Variants in KSR2 observed in about 807,000 individuals in gnomAD.
KSR2 encodes the protein kinase suppressor of ras 2.
Under a neutral mutation model 107.8 loss-of-function variants are expected in KSR2, and 25 were observed. The ratio of observed to expected loss-of-function variants is 0.23; its 90% CI spans 0.17 to 0.32. KSR2 has a LOEUF of 0.32. KSR2 is among the 10% of genes least tolerant of loss of function. KSR2 has a pLI of 1.00. For synonymous variants in KSR2, 480 were observed against 507.0 expected (o/e 0.95, Z 0.71); for missense variants, 887 against 1,268.9 (o/e 0.70, Z 4.57).
chr12:117,633,180 G>A (rs772493890), intron 5 of KSR2, among the ~76,000 whole-genome samples: 5 of 152,156 alleles, frequency 3.3e-5, no homozygotes, highest in African/African-American at 4.8e-5. Context: ...CTTAAGTTAC[G>A]ATGTTCACTA....
intron 5 of KSR2, among the ~76,000 whole-genome samples, chr12:117,620,228 A>T (rs573267209): frequency 6.6e-6 from 1 of 152,246 alleles, no homozygotes; most frequent in East Asian, 1.9e-4. Flanking sequence ...TTTTCTCCCT[A>T]CAAAACCACC....
At chr12:117,774,155 A>G (rs1459275951) in intron 3 of KSR2, among the ~76,000 whole-genome samples, 3 of 152,162 alleles carry the variant, frequency 2.0e-5, no homozygotes, top group African/African-American at 2.4e-5. Flanking sequence ...CATTATACAC[A>G]GGCTTGTGGG....
intron 7 of KSR2, among the ~76,000 whole-genome samples, chr12:117,565,401 A>C (rs1352719281): frequency 6.6e-6 from 1 of 152,240 alleles, no homozygotes; most frequent in Non-Finnish European, 1.5e-5. Context: ...CCAATTGAGG[A>C]AACATTAAAC....
intron 5 of KSR2, among the ~76,000 whole-genome samples, chr12:117,589,577 G>T (rs1259399189): frequency 3.3e-5 from 5 of 152,244 alleles, no homozygotes; most frequent in Non-Finnish European, 7.4e-5. Context: ...TGGGCCTAAA[G>T]GTAACTGAAA....
intron 5 of KSR2, among the ~76,000 whole-genome samples, chr12:117,605,346 G>A (rs916526307): frequency 1.3e-5 from 2 of 152,102 alleles, no homozygotes; most frequent in Admixed American, 1.3e-4. Flanking sequence ...TCAACAGGAG[G>A]GAGGATATAC....
At chr12:117,703,511 T>C (rs189833392) in intron 4 of KSR2, among the ~76,000 whole-genome samples, 376 of 152,296 alleles carry the variant, frequency 2.5e-3, no homozygotes, top group Non-Finnish European at 4.0e-3. Context: ...CTATGAAGAC[T>C]GCAGGCTAGA....
At chr12:117,687,550 A>G (rs1050429503) in intron 4 of KSR2, among the ~76,000 whole-genome samples, 1 of 152,140 alleles carries the variant, frequency 6.6e-6, no homozygotes. Flanking sequence ...GTGTTCATCT[A>G]TGTAATTATT....
At chr12:117,594,764 G>GTTT (rs1880535123) in intron 5 of KSR2, among the ~76,000 whole-genome samples, 1 of 152,152 alleles carries the variant, frequency 6.6e-6, no homozygotes, top group Admixed American at 6.5e-5. Context: ...TTAACCTAGA[G>GTTT]CAACAGTTCT....
At chr12:117,654,914 C>T (rs1044603469) in intron 5 of KSR2, among the ~76,000 whole-genome samples, 8 of 152,150 alleles carry the variant, frequency 5.3e-5, no homozygotes, top group South Asian at 2.1e-4. Context: ...AAAGTGGCCA[C>T]GGTGGCAGGG....
In KSR2 at chr12:117,466,021, G is replaced by C. The variant is rs1871129887; in HGVS notation, c.*1178C>G. 3 of 152,368 alleles carry C rather than the reference G, an allele frequency of 2.0e-5. No individual in the cohort carries two copies. The highest frequency in any genetic ancestry group is 7.2e-5 in the African/African-American group (3 of 41,438). The allele number at this position is 152,368 out of a possible 1,614,324, so 9.4% of individuals were successfully genotyped here. A position where few individuals can be genotyped will look rare whatever the true frequency, so the allele number is the denominator to read the frequency against. Reference sequence around the variant, plus strand: ...TGGGGCACTGAGGGAACACACACAGGTGAGGGACACAGGCTTCCGATGGGG... The same window carrying C: ...TGGGGCACTGAGGGAACACACACAGCTGAGGGACACAGGCTTCCGATGGGG... On this transcript the variant is annotated 3_prime_UTR_variant, in exon 20 of 20. Transcript: ENST00000339824.
chr12:117,541,391 A>G (rs1876482828), intron 9 of KSR2, among the ~76,000 whole-genome samples: 1 of 152,212 alleles, frequency 6.6e-6, no homozygotes, highest in Admixed American at 6.5e-5. Context: ...GTTCTCCTGG[A>G]AAGGGACAGA....
At chr12:117,886,109 A>G (rs533689733) in intron 1 of KSR2, among the ~76,000 whole-genome samples, 1 of 151,228 alleles carries the variant, frequency 6.6e-6, no homozygotes, top group African/African-American at 2.4e-5. Context: ...AAAAAAAAAA[A>G]CCTGCACATT....
chr12:117,571,609 G>C (rs1238391048), intron 7 of KSR2, among the ~76,000 whole-genome samples: 2 of 152,094 alleles, frequency 1.3e-5, no homozygotes, highest in Non-Finnish European at 2.9e-5. Context: ...GATGGAAGTG[G>C]GTGATGTAAG....
chr12:117,719,648 A>G (rs1887130836), intron 4 of KSR2, among the ~76,000 whole-genome samples: 1 of 152,180 alleles, frequency 6.6e-6, no homozygotes, highest in Non-Finnish European at 1.5e-5. Flanking sequence ...GTCAGTTGCC[A>G]TTTGTCATCT....
intron 3 of KSR2, among the ~76,000 whole-genome samples, chr12:117,821,145 T>C (rs1236727249): frequency 6.6e-6 from 1 of 152,228 alleles, no homozygotes; most frequent in Non-Finnish European, 1.5e-5. Flanking sequence ...ATAATGCCTA[T>C]AAGACACTTA....
chr12:117,689,313 C>A (rs1203090812), intron 4 of KSR2, among the ~76,000 whole-genome samples: 5 of 152,062 alleles, frequency 3.3e-5, no homozygotes, highest in Admixed American at 1.3e-4. Context: ...GCAGAGATGT[C>A]TTAATAAGAG....
At position 117,771,615 on chromosome 12, in the gene KSR2, C is replaced by G. The variant is rs116654808; in HGVS notation, c.473-10091G>C. On this transcript the variant is annotated intron_variant, in intron 3 of 19. Transcript: ENST00000339824. ...ATGGGGCTAAATGCTCTAATTGCAT[C>G]GTTTCATTTAATCTTCAGAATAATT... 2.5e-3 allele frequency among the ~76,000 whole-genome samples: 387 copies of G among 152,264 alleles called. 1 individual carries two copies. Among genetic ancestry groups the G allele is most frequent in the African/African-American group, 8.9e-3 (368 of 41,544 alleles).
chr12:117,570,492 G>A (rs1457005540), intron 7 of KSR2, among the ~76,000 whole-genome samples: 1 of 152,196 alleles, frequency 6.6e-6, no homozygotes, highest in Non-Finnish European at 1.5e-5. Context: ...CCAAGAAGTT[G>A]GCTGATTCAG....
intron 1 of KSR2, among the ~76,000 whole-genome samples, chr12:117,900,521 G>A (rs1894650545): frequency 6.6e-6 from 1 of 152,186 alleles, no homozygotes; most frequent in South Asian, 2.1e-4. Context: ...ACCATGTATT[G>A]AAAATGTACT....
Sources: allele counts gnomAD v4.1 joint callset (sites outside exome capture counted in the v4.1 genomes callset), GRCh38; gene constraint gnomAD v4.1.1; transcripts MANE v1.5; gene names NCBI Gene and HGNC (gene_info 2026-07-23, HGNC 2026-07-21).